Variants in WDFY3 observed in about 807,000 individuals in gnomAD.
WDFY3 encodes the protein WD repeat and FYVE domain-containing protein 3.
Under a neutral mutation model 409.6 loss-of-function variants are expected in WDFY3, and 66 were observed. That is an observed-to-expected ratio of 0.16 (90% confidence interval 0.13 to 0.20). The LOEUF (loss-of-function observed/expected upper bound fraction) is 0.20. Among genes scored for constraint, WDFY3 ranks in the 10% least tolerant of loss-of-function variants. The pLI, the probability that WDFY3 is intolerant of heterozygous loss-of-function variation, is 1.00. For synonymous variants in WDFY3, 1,521 were observed against 1,537.1 expected (o/e 0.99, Z 0.25); for missense variants, 3,031 against 4,298.1 (o/e 0.71, Z 8.24).
intron 3 of WDFY3, among the ~76,000 whole-genome samples, chr4:84,867,830 G>C (rs985507694): frequency 6.6e-6 from 1 of 152,112 alleles, no homozygotes; most frequent in Non-Finnish European, 1.5e-5. Flanking sequence ...TAAATGTAAT[G>C]TAAGCTCATA....
At chr4:84,864,092 C>A (rs191269461) in intron 3 of WDFY3, among the ~76,000 whole-genome samples, 1 of 152,030 alleles carries the variant, frequency 6.6e-6, no homozygotes, top group Non-Finnish European at 1.5e-5. Context: ...GGAGGCCAGG[C>A]GCAATGGCTG....
chr4:84,755,187 C>A, intron 34 of WDFY3, 79 bp downstream of exon 34: 1 of 1,568,020 alleles, frequency 6.4e-7, no homozygotes, highest in South Asian at 1.2e-5. Flanking sequence ...GTTATGTTAC[C>A]AAAAAATTCC....
At chr4:84,784,589 G>A (rs1266077213) in intron 24 of WDFY3, among the ~76,000 whole-genome samples, 6 of 151,892 alleles carry the variant, frequency 4.0e-5, no homozygotes, top group Non-Finnish European at 5.9e-5. Flanking sequence ...TGTAATCCCA[G>A]CACTTTGGGA....
chr4:84,672,661 C>A lies in WDFY3; in HGVS notation c.*207G>T. On this transcript the variant is annotated 3_prime_UTR_variant, in exon 68 of 68. Transcript: ENST00000295888. ...TTGCTCCTAGGAACCACCTCATATT[C>A]TTCTTGTGCTGTTCACCTGAATCGC... The A allele has an allele frequency of 5.7e-6, 3 of 525,834 alleles. No individual in the cohort carries two copies. The highest frequency in any genetic ancestry group is 3.5e-5 in the South Asian group (1 of 28,940). 32.6% of individuals were successfully genotyped at this position (525,834 alleles called of 1,614,324 possible). A position where few individuals can be genotyped will look rare whatever the true frequency, so the allele number is the denominator to read the frequency against.
chr4:84,700,403 C>T lies in WDFY3; in HGVS notation c.8596+1950G>A, dbSNP rs558913166. On this transcript the variant is annotated intron_variant, in intron 56 of 67. Coordinates refer to ENST00000295888, the MANE Select transcript of WDFY3 (RefSeq NM_014991.6). ...ATTTTTTGTAGAGATGAGGTTTTGC[C>T]ATGTTGCCCAGGTTGGTCTTGAACA... Among the ~76,000 whole-genome samples, 6 of 152,272 alleles carry T rather than the reference C, an allele frequency of 3.9e-5. No individual in the cohort carries two copies. The East Asian group carries it at 9.7e-4, about 25-fold the overall frequency.
At chr4:84,865,333 T>C (rs932600573) in intron 3 of WDFY3, among the ~76,000 whole-genome samples, 8 of 152,210 alleles carry the variant, frequency 5.3e-5, no homozygotes, top group Non-Finnish European at 8.8e-5. Context: ...GTGACAAAGA[T>C]TCTCTCCTTG....
At chr4:84,703,776 C>A (rs1032252411) in intron 55 of WDFY3, among the ~76,000 whole-genome samples, 6 of 152,208 alleles carry the variant, frequency 3.9e-5, no homozygotes, top group African/African-American at 1.4e-4. Flanking sequence ...CACTTCCCAT[C>A]CCCCTTTCTG....
chr4:84,730,696 A>G (rs902919894), intron 44 of WDFY3, among the ~76,000 whole-genome samples: 2 of 152,122 alleles, frequency 1.3e-5, no homozygotes, highest in Admixed American at 6.6e-5. Context: ...GGAGTGTCCA[A>G]TCTTTTTGCT....
At chr4:84,781,666 T>A (rs548987413) in intron 25 of WDFY3, among the ~76,000 whole-genome samples, 32 of 152,316 alleles carry the variant, frequency 2.1e-4, no homozygotes, top group African/African-American at 7.7e-4. Flanking sequence ...CTTAACTGTA[T>A]GGCATAATAT....
rs1432048448 is a variant in WDFY3, at chr4:84,860,623, C to G, written c.-31-1G>C. 2 of 1,566,760 alleles carry G rather than the reference C, an allele frequency of 1.3e-6. No individual in the cohort carries two copies. Among genetic ancestry groups the G allele is most frequent in the Admixed American group, 1.7e-5 (1 of 57,182 alleles). On this transcript the variant is annotated splice_acceptor_variant, in intron 3 of 67. Transcript: ENST00000295888. LOFTEE classifies it low-confidence loss of function (5UTR_SPLICE). Reference sequence around the variant, plus strand: ...TGGTTGGTGAGACGCACTTCTAATTCTGTAGGAAAATGTCAATACATGAAC... The same window carrying G: ...TGGTTGGTGAGACGCACTTCTAATTGTGTAGGAAAATGTCAATACATGAAC...
intron 15 of WDFY3, among the ~76,000 whole-genome samples, chr4:84,805,099 C>A (rs1249670900): frequency 6.6e-6 from 1 of 152,030 alleles, no homozygotes; most frequent in East Asian, 1.9e-4. Context: ...GTTTCATGTA[C>A]AAAATTATTA....
At chr4:84,885,353 T>C (rs1479489108) in intron 3 of WDFY3, among the ~76,000 whole-genome samples, 1 of 151,438 alleles carries the variant, frequency 6.6e-6, no homozygotes, top group Non-Finnish European at 1.5e-5. Context: ...TGTGTGTGTG[T>C]GTGTGTGTGT....
At chr4:84,832,113 A>G (rs1755825578) in intron 7 of WDFY3, among the ~76,000 whole-genome samples, 3 of 152,348 alleles carry the variant, frequency 2.0e-5, no homozygotes, top group African/African-American at 2.4e-5. Context: ...ATGAATGGAT[A>G]AAGAAAACAT....
At chr4:84,918,395 A>G (rs1768793647) in intron 2 of WDFY3, among the ~76,000 whole-genome samples, 1 of 152,196 alleles carries the variant, frequency 6.6e-6, no homozygotes, top group Non-Finnish European at 1.5e-5. Context: ...TTTCCAGGGT[A>G]TATTTTCCAG....
At chr4:84,914,671 C>CA (rs931941473) in intron 2 of WDFY3, among the ~76,000 whole-genome samples, 7 of 151,950 alleles carry the variant, frequency 4.6e-5, no homozygotes, top group Non-Finnish European at 7.4e-5. Flanking sequence ...GGCTACTTTC[C>CA]AAAAAAATGG....
intron 1 of WDFY3, among the ~76,000 whole-genome samples, chr4:84,953,658 A>G (rs562516422): frequency 2.7e-5 from 4 of 150,850 alleles, no homozygotes; most frequent in Non-Finnish European, 5.9e-5. Context: ...TAAGATTCTC[A>G]TATTATAAGT....
chr4:84,924,669 T>C (rs916122881), intron 2 of WDFY3, among the ~76,000 whole-genome samples: 1 of 152,172 alleles, frequency 6.6e-6, no homozygotes, highest in African/African-American at 2.4e-5. Context: ...CTCAATCCTC[T>C]GCTCTTTCAC....
intron 1 of WDFY3, among the ~76,000 whole-genome samples, chr4:84,942,394 A>G (rs1772261320): frequency 6.6e-6 from 1 of 152,204 alleles, no homozygotes; most frequent in African/African-American, 2.4e-5. Context: ...TTACTTTTAA[A>G]AAAAGGATAC....
chr4:84,882,038 T>C (rs991675933), intron 3 of WDFY3, among the ~76,000 whole-genome samples: 1 of 152,200 alleles, frequency 6.6e-6, no homozygotes, highest in Non-Finnish European at 1.5e-5. Context: ...GTAAGTAGTA[T>C]GAATGGGACT....
Sources: allele counts gnomAD v4.1 joint callset (sites outside exome capture counted in the v4.1 genomes callset), GRCh38; gene constraint gnomAD v4.1.1; transcripts MANE v1.5; gene names NCBI Gene and HGNC (gene_info 2026-07-23, HGNC 2026-07-21).